MYO1D: variants seen among roughly 807,000 people sequenced by gnomAD.
MYO1D encodes unconventional myosin-Id.
MYO1D carries 83 observed loss-of-function variants against 122.0 expected under a neutral mutation model. The observed-to-expected ratio is 0.68, with a 90% CI of 0.57 to 0.82. The LOEUF (loss-of-function observed/expected upper bound fraction) is 0.82. Ranked by LOEUF, MYO1D falls within the 40% of genes least tolerant of loss-of-function variation. The pLI, the probability that MYO1D is intolerant of heterozygous loss-of-function variation, is 0.00. For missense variants in MYO1D, 1,157 were observed against 1,269.5 expected (o/e 0.91, Z 1.35); for synonymous variants, 464 against 446.9 (o/e 1.04, Z -0.48).
chr17:32,711,941 G>T (rs1224387300), intron 16 of MYO1D, 47 bp downstream of exon 16: 2 of 1,456,340 alleles, frequency 1.4e-6, no homozygotes, highest in Admixed American at 2.0e-5. Context: ...AAATTTTTAA[G>T]AACTTAAAAG....
At chr17:32,802,111 A>G (rs1295387633) in intron 1 of MYO1D, among the ~76,000 whole-genome samples, 1 of 152,232 alleles carries the variant, frequency 6.6e-6, no homozygotes, top group Non-Finnish European at 1.5e-5. Flanking sequence ...GAACAGACCA[A>G]TGGGAATGAA....
chr17:32,496,594 C>A (rs570383107), intron 21 of MYO1D, among the ~76,000 whole-genome samples: 1 of 152,180 alleles, frequency 6.6e-6, no homozygotes, highest in Non-Finnish European at 1.5e-5. Flanking sequence ...CTGCAGCCCT[C>A]GTGCTGGACC....
At chr17:32,544,354 G>T (rs2086946439) in intron 21 of MYO1D, among the ~76,000 whole-genome samples, 1 of 152,038 alleles carries the variant, frequency 6.6e-6, no homozygotes, top group Non-Finnish European at 1.5e-5. Context: ...TCCTGTCTTG[G>T]CCTCCCAAAG....
At chr17:32,730,866 G>A (rs181841171) in intron 14 of MYO1D, among the ~76,000 whole-genome samples, 1 of 146,838 alleles carries the variant, frequency 6.8e-6, no homozygotes, top group Non-Finnish European at 1.5e-5. Context: ...ACTCTGATAA[G>A]ATACATGTTT....
chr17:32,857,313 C>T (rs1348700147), intron 1 of MYO1D, among the ~76,000 whole-genome samples: 1 of 152,134 alleles, frequency 6.6e-6, no homozygotes, highest in African/African-American at 2.4e-5. Flanking sequence ...TGGCCGGGCA[C>T]GGTGGCTCAT....
chr17:32,817,536 A>C (rs776421053), intron 1 of MYO1D, among the ~76,000 whole-genome samples: 3 of 152,208 alleles, frequency 2.0e-5, no homozygotes, highest in Non-Finnish European at 4.4e-5. Context: ...ATTTTCAAGG[A>C]AAGTAATCCT....
At chr17:32,855,730 T>G (rs1388802412) in intron 1 of MYO1D, among the ~76,000 whole-genome samples, 1 of 152,218 alleles carries the variant, frequency 6.6e-6, no homozygotes, top group South Asian at 2.1e-4. Flanking sequence ...CTTTGGCAAC[T>G]ATTACAAATC....
At chr17:32,743,380 T>A (rs2089794296) in intron 13 of MYO1D, among the ~76,000 whole-genome samples, 1 of 152,170 alleles carries the variant, frequency 6.6e-6, no homozygotes, top group Admixed American at 6.5e-5. Flanking sequence ...ACTTCAGACA[T>A]AACATATCCA....
chr17:32,614,760 G>A (rs2087749963), intron 20 of MYO1D, among the ~76,000 whole-genome samples: 1 of 152,212 alleles, frequency 6.6e-6, no homozygotes, highest in South Asian at 2.1e-4. Flanking sequence ...TCTCTTGAAA[G>A]CAACAACTTG....
chr17:32,673,695 T>C (rs76282025), intron 16 of MYO1D, among the ~76,000 whole-genome samples: 1,796 of 152,328 alleles, frequency 0.012, 18 homozygotes, highest in Admixed American at 0.019. Context: ...CAAGAGTTAC[T>C]AGCCTAGGTG....
intron 21 of MYO1D, among the ~76,000 whole-genome samples, chr17:32,568,150 A>G (rs904147407): frequency 6.9e-6 from 1 of 145,416 alleles, no homozygotes; most frequent in East Asian, 2.1e-4. Flanking sequence ...TCCCCCAGGT[A>G]TTTATCAGAA....
chr17:32,830,916 C>T (rs1285914471), intron 1 of MYO1D, among the ~76,000 whole-genome samples: 4 of 152,110 alleles, frequency 2.6e-5, no homozygotes, highest in African/African-American at 9.7e-5. Context: ...ATTAGCTGAG[C>T]GTGGTGGCAC....
At chr17:32,506,709 A>G (rs1277606374) in intron 21 of MYO1D, among the ~76,000 whole-genome samples, 6 of 152,256 alleles carry the variant, frequency 3.9e-5, no homozygotes, top group Non-Finnish European at 8.8e-5. Context: ...ATGCAGTTAT[A>G]TGCTACTTGT....
intron 14 of MYO1D, among the ~76,000 whole-genome samples, chr17:32,737,878 G>A (rs1421377571): frequency 6.6e-6 from 1 of 152,148 alleles, no homozygotes; most frequent in East Asian, 1.9e-4. Flanking sequence ...TATATAAATG[G>A]TACATTTTAC....
chr17:32,831,969 C>A (rs1442119104), intron 1 of MYO1D, among the ~76,000 whole-genome samples: 1 of 152,170 alleles, frequency 6.6e-6, no homozygotes, highest in Non-Finnish European at 1.5e-5. Context: ...GAGTCCAACA[C>A]ACCTGGGTCC....
At chr17:32,773,248 C>T (rs75654802) in intron 4 of MYO1D, among the ~76,000 whole-genome samples, 3 of 152,042 alleles carry the variant, frequency 2.0e-5, no homozygotes, top group Admixed American at 6.6e-5. Context: ...TCAATTTCGG[C>T]GCCACCCTTC....
chr17:32,576,267 G>C (rs145774451), intron 21 of MYO1D, among the ~76,000 whole-genome samples: 274 of 152,236 alleles, frequency 1.8e-3, no homozygotes, highest in African/African-American at 6.4e-3. Flanking sequence ...AAACTACAAG[G>C]TTTTATATTT....
intron 21 of MYO1D, chr17:32,518,190 C>A (rs1909966550): frequency 1.0e-5 from 2 of 198,286 alleles, no homozygotes; most frequent in Non-Finnish European, 2.1e-5. Flanking sequence ...GTCCCCTTCT[C>A]ATTTCTTTCG....
At chr17:32,637,343 A>G (rs577653726) in intron 20 of MYO1D, among the ~76,000 whole-genome samples, 1 of 152,224 alleles carries the variant, frequency 6.6e-6, no homozygotes, top group Non-Finnish European at 1.5e-5. Flanking sequence ...ATAGAAGATT[A>G]TAAGTCTATA....
Sources: gnomAD v4.1 joint callset for allele counts (sites outside exome capture counted in the v4.1 genomes callset) on GRCh38, gnomAD v4.1.1 for gene constraint, MANE v1.5 for transcripts, NCBI Gene and HGNC (gene_info 2026-07-23, HGNC 2026-07-21) for gene names.